Variants in SIPA1L2 observed in about 807,000 individuals in gnomAD.
SIPA1L2 encodes the protein signal-induced proliferation-associated 1-like protein 2.
A neutral mutation model predicts 163.9 loss-of-function variants in SIPA1L2; 56 were observed. The observed-to-expected ratio is 0.34, with a 90% CI of 0.28 to 0.43. The LOEUF (loss-of-function observed/expected upper bound fraction) is 0.43. Ranked by LOEUF, SIPA1L2 falls within the 20% of genes least tolerant of loss-of-function variation. The pLI is 1.00. For missense variants in SIPA1L2, 1,974 were observed against 2,193.5 expected, an observed-to-expected ratio of 0.90 and a Z score of 2.00; for synonymous variants, 877 against 865.7, an observed-to-expected ratio of 1.01 and a Z score of -0.23.
At chr1:232,585,176 T>A (rs1660589464) in intron 1 of SIPA1L2, among the ~76,000 whole-genome samples, 1 of 152,262 alleles carries the variant, frequency 6.6e-6, no homozygotes, top group Non-Finnish European at 1.5e-5. Context: ...AAGTGAATAA[T>A]CTTTACCTAT....
At chr1:232,569,918 G>A (rs1416360140) in intron 2 of SIPA1L2, among the ~76,000 whole-genome samples, 1 of 152,180 alleles carries the variant, frequency 6.6e-6, no homozygotes, top group African/African-American at 2.4e-5. Context: ...AAAAGTGCAG[G>A]ATCAAAAGCA....
At chr1:232,452,055 T>G (rs1663615673) in intron 10 of SIPA1L2, among the ~76,000 whole-genome samples, 1 of 101,868 alleles carries the variant, frequency 9.8e-6, no homozygotes, top group Non-Finnish European at 2.0e-5. Context: ...AACAAGTAAT[T>G]CCATTAGATG....
At chr1:232,573,267 T>G (rs189736386) in intron 2 of SIPA1L2, among the ~76,000 whole-genome samples, 1 of 152,124 alleles carries the variant, frequency 6.6e-6, no homozygotes, top group African/African-American at 2.4e-5. Context: ...GAGCAAATGG[T>G]AAAACTGGGA....
At chr1:232,403,379 C>G (rs1302836702) in intron 21 of SIPA1L2, 69 bp downstream of exon 21, 4 of 1,566,688 alleles carry the variant, frequency 2.6e-6, no homozygotes. Context: ...CAGGGTTAGT[C>G]GGTTAGCCGA....
intron 18 of SIPA1L2, among the ~76,000 whole-genome samples, chr1:232,417,650 C>T (rs547136238): frequency 1.4e-4 from 22 of 152,000 alleles, no homozygotes; most frequent in African/African-American, 4.6e-4. Flanking sequence ...AGAAAGGGTT[C>T]CAGAAAGGTA....
intron 1 of SIPA1L2, among the ~76,000 whole-genome samples, chr1:232,625,373 G>T (rs949265796): frequency 2.6e-5 from 4 of 152,150 alleles, no homozygotes; most frequent in African/African-American, 9.7e-5. Flanking sequence ...AGGTAAAGGT[G>T]CCAAATAATA....
intron 2 of SIPA1L2, among the ~76,000 whole-genome samples, chr1:232,541,694 A>G (rs1362374845): frequency 6.6e-6 from 1 of 152,126 alleles, no homozygotes; most frequent in Non-Finnish European, 1.5e-5. Flanking sequence ...CTGATATTTA[A>G]CAAAAAGAAA....
intron 2 of SIPA1L2, among the ~76,000 whole-genome samples, chr1:232,518,864 A>T (rs1667328410): frequency 6.6e-6 from 1 of 152,222 alleles, no homozygotes; most frequent in African/African-American, 2.4e-5. Flanking sequence ...AAATATTATT[A>T]AATTAACAAA....
At chr1:232,526,256 T>C (rs751074809) in intron 2 of SIPA1L2, among the ~76,000 whole-genome samples, 1 of 152,190 alleles carries the variant, frequency 6.6e-6, no homozygotes, top group Non-Finnish European at 1.5e-5. Flanking sequence ...GGGACCCTGG[T>C]GCTTGGCAGC....
intron 2 of SIPA1L2, among the ~76,000 whole-genome samples, chr1:232,564,321 A>G (rs1659274067): frequency 7.1e-6 from 1 of 141,732 alleles, no homozygotes; most frequent in African/African-American, 2.7e-5. Flanking sequence ...CTGGAGTGCA[A>G]TGGTGCGATC....
chr1:232,542,903 T>C lies in SIPA1L2; in HGVS notation c.-269-27295A>G, dbSNP rs143442354. On this transcript the variant is annotated intron_variant, in intron 2 of 22. Transcript: ENST00000674635. ...ATAGCCTAAGGCTATGAATGGAACATGCTTTGTTTGTACACACTGGTATTT... is the reference window on the plus strand; with the variant it reads ...ATAGCCTAAGGCTATGAATGGAACACGCTTTGTTTGTACACACTGGTATTT... 2.7e-3 allele frequency among the ~76,000 whole-genome samples: 409 copies of C among 152,344 alleles called. 5 individuals are homozygous for C. The Middle Eastern group carries it at 0.041, about 15-fold the overall frequency.
At chr1:232,487,431 T>C (rs1665697231) in intron 5 of SIPA1L2, among the ~76,000 whole-genome samples, 2 of 152,082 alleles carry the variant, frequency 1.3e-5, no homozygotes, top group Non-Finnish European at 1.5e-5. Flanking sequence ...GATATTTGAG[T>C]AAACATATAT....
At position 232,584,233 on chromosome 1, in the gene SIPA1L2, CT is replaced by C. The variant is rs72230272; in HGVS notation, c.-318-10012del. Among the ~76,000 whole-genome samples, 48 of 147,078 alleles carry C rather than the reference CT, an allele frequency of 3.3e-4. 1 individual carries two copies. Among genetic ancestry groups the C allele is most frequent in the East Asian group, 3.9e-4 (2 of 5,070 alleles). The stretch of plus-strand genomic sequence containing the variant: ...ATCAATCATATCCTTTTAGTCCAAT[CT>C]TTTTTTTTTTAGACGGAGTCTCACT... On this transcript the variant is annotated intron_variant, in intron 1 of 22. Coordinates refer to ENST00000674635, the MANE Select transcript of SIPA1L2 (RefSeq NM_020808.5).
intron 2 of SIPA1L2, among the ~76,000 whole-genome samples, chr1:232,563,753 T>G (rs1432146876): frequency 6.6e-6 from 1 of 152,154 alleles, no homozygotes; most frequent in Non-Finnish European, 1.5e-5. Context: ...CTCGCTCTGT[T>G]GCCCAGGCTG....
At chr1:232,420,349 A>G (rs1661498375) in intron 18 of SIPA1L2, among the ~76,000 whole-genome samples, 1 of 152,074 alleles carries the variant, frequency 6.6e-6, no homozygotes, top group Non-Finnish European at 1.5e-5. Context: ...AAAGATACAC[A>G]TAGTGCAGAC....
chr1:232,416,937 C>T (rs1280628438), intron 18 of SIPA1L2, among the ~76,000 whole-genome samples: 1 of 152,148 alleles, frequency 6.6e-6, no homozygotes, highest in Non-Finnish European at 1.5e-5. Flanking sequence ...GAACTTATTA[C>T]GCATCTGAGG....
At chr1:232,594,098 C>G (rs1661112004) in intron 1 of SIPA1L2, among the ~76,000 whole-genome samples, 1 of 152,230 alleles carries the variant, frequency 6.6e-6, no homozygotes, top group Non-Finnish European at 1.5e-5. Flanking sequence ...GCAGCATCCT[C>G]AGCACTCCCC....
intron 10 of SIPA1L2, among the ~76,000 whole-genome samples, chr1:232,449,283 C>T (rs1289541227): frequency 6.6e-6 from 1 of 151,870 alleles, no homozygotes; most frequent in East Asian, 1.9e-4. Flanking sequence ...CTTTGGGGGG[C>T]CGAGGTGGGC....
At chr1:232,516,240 T>C (rs952124658) in intron 2 of SIPA1L2, among the ~76,000 whole-genome samples, 1 of 152,214 alleles carries the variant, frequency 6.6e-6, no homozygotes, top group African/African-American at 2.4e-5. Flanking sequence ...CAGATCCTCC[T>C]TTAAGTGGGA....
Sources: allele counts gnomAD v4.1 joint callset (sites outside exome capture counted in the v4.1 genomes callset), GRCh38; gene constraint gnomAD v4.1.1; transcripts MANE v1.5; gene names NCBI Gene and HGNC (gene_info 2026-07-23, HGNC 2026-07-21).